The following NPY4R2 variants were observed in gnomAD, a reference collection of about 807,000 sequenced individuals.
The protein encoded by NPY4R2 is neuropeptide Y receptor type 4-2.
For synonymous variants in NPY4R2, 6 were observed against 115.2 expected (o/e 0.05, Z 6.07); for missense variants, 7 against 268.8 (o/e 0.03, Z 6.81).
chr10:47,920,638 T>G (rs1841722523), intron 1 of NPY4R2, 100 bp from the exon 2 acceptor site: 1 of 125,438 alleles, frequency 8.0e-6, no homozygotes, highest in African/African-American at 3.0e-5. Context: ...ATATGAGACT[T>G]AAAGAATATC....
chr10:47,918,415 AAG>A (rs1291684402), upstream of NPY4R2, among the ~76,000 whole-genome samples: 6 of 32,010 alleles, frequency 1.9e-4, no homozygotes, highest in African/African-American at 1.1e-3. Context: ...GAAAGAAAGA[AAG>A]AAAGAAAGAA....
upstream of NPY4R2, among the ~76,000 whole-genome samples, chr10:47,915,051 G>T (rs1841142285): frequency 6.6e-6 from 1 of 152,258 alleles, no homozygotes; most frequent in East Asian, 1.9e-4. Context: ...CTCTGCTATA[G>T]CCTTCCATGA....
intron 1 of NPY4R2, among the ~76,000 whole-genome samples, chr10:47,920,506 C>T (rs1185563729): frequency 3.5e-5 from 3 of 85,368 alleles, no homozygotes; most frequent in Non-Finnish European, 5.0e-5. Flanking sequence ...AGATGCACAG[C>T]AAGTGACATT....
chr10:47,915,065 A>G (rs1841645447), upstream of NPY4R2, among the ~76,000 whole-genome samples: 1 of 152,100 alleles, frequency 6.6e-6, no homozygotes. Context: ...TCCATGAAAA[A>G]AGTAGGACAG....
upstream of NPY4R2, among the ~76,000 whole-genome samples, chr10:47,918,401 G>GAAAGAAA (rs2132182110): frequency 3.8e-5 from 1 of 26,368 alleles, no homozygotes; most frequent in East Asian, 4.5e-4. Flanking sequence ...AAGAAAGAAA[G>GAAAGAAA]AAAGAAAGAA....
chr10:47,914,939 C>T (rs1554992444), upstream of NPY4R2, among the ~76,000 whole-genome samples: 1,390 of 151,862 alleles, frequency 9.2e-3, 1 homozygote, highest in African/African-American at 0.032. Context: ...CTTGACCTAT[C>T]TCCTTTGTGC....
At chr10:47,920,672 T>C (rs1840929577) in intron 1 of NPY4R2, 66 bp from the exon 2 acceptor site, 1 of 107,640 alleles carries the variant, frequency 9.3e-6, no homozygotes, top group African/African-American at 3.5e-5. Context: ...TCTGCTACAG[T>C]GTTTTACAAG....
chr10:47,916,632 T>A (rs1304064202), upstream of NPY4R2, among the ~76,000 whole-genome samples: 1 of 136,998 alleles, frequency 7.3e-6, no homozygotes, highest in East Asian at 2.0e-4. Context: ...GAGGATGGAC[T>A]AAGGGCAGGT....
chr10:47,920,033 C>G (rs7914761), intron 1 of NPY4R2, among the ~76,000 whole-genome samples: 3,625 of 10,506 alleles, frequency 0.35, 275 homozygotes, highest in Non-Finnish European at 0.39. Context: ...CATGCAGCTG[C>G]GACTGTTCTT....
intron 1 of NPY4R2, among the ~76,000 whole-genome samples, chr10:47,920,359 C>T (rs1841714571): frequency 1.6e-5 from 1 of 61,260 alleles, no homozygotes; most frequent in Non-Finnish European, 3.3e-5. Flanking sequence ...GCTTCACCCT[C>T]CCATGTAGCT....
chr10:47,918,383 G>GAGACAGAAAGAAAGAA, upstream of NPY4R2, among the ~76,000 whole-genome samples: 1 of 10,502 alleles, frequency 9.5e-5, no homozygotes, highest in East Asian at 1.3e-3. Context: ...GAGAGAGAGA[G>GAGACAGAAAGAAAGAA]AGAAAGAAAG....
upstream of NPY4R2, among the ~76,000 whole-genome samples, chr10:47,918,383 GAGAAAGAA>G (rs1227500817): frequency 3.5e-3 from 37 of 10,502 alleles, 6 homozygotes; most frequent in East Asian, 6.6e-3. Context: ...GAGAGAGAGA[GAGAAAGAA>G]AGAAAGAAAG....
intron 2 of NPY4R2, 85 bp downstream of exon 2, chr10:47,920,978 TC>T (rs1554990377): frequency 1.7e-3 from 175 of 104,780 alleles, no homozygotes; most frequent in African/African-American, 5.8e-3. Flanking sequence ...AACTCTGGAG[TC>T]TAAATTCCAA....
upstream of NPY4R2, among the ~76,000 whole-genome samples, chr10:47,918,356 GGAGAGAGAGAGA>G (rs139901640): frequency 2.4e-3 from 43 of 17,738 alleles, 8 homozygotes; most frequent in Admixed American, 8.7e-3. Flanking sequence ...GGGGAGGGAG[GGAGAGAGAGAGA>G]GAGAGAGAGA....
upstream of NPY4R2, among the ~76,000 whole-genome samples, chr10:47,915,005 A>G (rs1841643406): frequency 6.6e-6 from 1 of 152,292 alleles, no homozygotes; most frequent in East Asian, 1.9e-4. Context: ...GTACTGGAAA[A>G]TAAACTGGTT....
chr10:47,918,378 A>AGT, upstream of NPY4R2, among the ~76,000 whole-genome samples: 1 of 16,816 alleles, frequency 5.9e-5, no homozygotes, highest in South Asian at 2.2e-3. Flanking sequence ...AGAGAGAGAG[A>AGT]GAGAGAGAAA....
chr10:47,921,451 A>G (rs1212007376), intron 2 of NPY4R2, among the ~76,000 whole-genome samples: 1 of 152,046 alleles, frequency 6.6e-6, no homozygotes, highest in Non-Finnish European at 1.5e-5. Flanking sequence ...GGGGCATTCT[A>G]CCCATGTTCC....
upstream of NPY4R2, among the ~76,000 whole-genome samples, chr10:47,918,433 GAGA>G (rs1841698131): frequency 7.8e-5 from 2 of 25,784 alleles, no homozygotes; most frequent in Non-Finnish European, 1.5e-4. Flanking sequence ...AAGAAAGAAA[GAGA>G]GAGAGAAAGA....
chr10:47,918,368 AG>A (rs1554991290), upstream of NPY4R2, among the ~76,000 whole-genome samples: 2,544 of 17,754 alleles, frequency 0.14, 234 homozygotes, highest in African/African-American at 0.26. Context: ...AGAGAGAGAG[AG>A]AGAGAGAGAG....
Sources: allele counts gnomAD v4.1 joint callset (sites outside exome capture counted in the v4.1 genomes callset), GRCh38; gene constraint gnomAD v4.1.1; transcripts MANE v1.5; gene names NCBI Gene and HGNC (gene_info 2026-07-23, HGNC 2026-07-21).